AKAP9: variants seen among roughly 807,000 people sequenced by gnomAD.
The protein encoded by AKAP9 is A-kinase anchoring protein 9.
AKAP9 carries 311 observed loss-of-function variants against 488.5 expected under a neutral mutation model. The observed-to-expected ratio is 0.64, with a 90% CI of 0.58 to 0.70. The LOEUF is 0.70. Ranked by LOEUF, AKAP9 falls within the 30% of genes least tolerant of loss-of-function variation. The pLI is 0.00. For synonymous variants in AKAP9, 1,462 were observed against 1,483.5 expected (o/e 0.99, Z 0.33); for missense variants, 4,215 against 4,374.5 (o/e 0.96, Z 1.03).
intron 49 of AKAP9, 148 bp from the exon 50 acceptor site, chr7:92,109,973 GT>G (rs1819101222): frequency 1.5e-6 from 1 of 665,302 alleles, no homozygotes; most frequent in Non-Finnish European, 2.7e-6. Flanking sequence ...GAGAGACTCA[GT>G]TTAAGTATGA....
chr7:92,005,654 G>C, intron 8 of AKAP9, among the ~76,000 whole-genome samples: 1 of 151,920 alleles, frequency 6.6e-6, no homozygotes, highest in East Asian at 1.9e-4. Flanking sequence ...AATTCGAATT[G>C]CTTAACGATT....
chr7:92,096,325 GTTTTTTTTGTTTTTT>G (rs990032017), intron 40 of AKAP9, among the ~76,000 whole-genome samples: 2 of 140,404 alleles, frequency 1.4e-5, no homozygotes, highest in Non-Finnish European at 3.0e-5. Flanking sequence ...TACTTCTGAA[GTTTTTTTTGTTTTTT>G]TTTTTTTTTT....
intron 18 of AKAP9, chr7:92,041,820 A>C (rs1246352562): frequency 9.8e-6 from 4 of 407,050 alleles, no homozygotes; most frequent in African/African-American, 8.0e-5. Context: ...ACAAAAATTA[A>C]TTGAACTGCA....
chr7:92,089,684 T>A, intron 38 of AKAP9, 155 bp downstream of exon 38: 1 of 865,272 alleles, frequency 1.2e-6, no homozygotes, highest in Non-Finnish European at 1.8e-6. Context: ...TTAATTACTC[T>A]AGGGGTTAGA....
At chr7:92,033,442 C>CT (rs35497475) in intron 16 of AKAP9, among the ~76,000 whole-genome samples, 8,172 of 107,300 alleles carry the variant, frequency 0.076, 324 homozygotes, top group Non-Finnish European at 0.096. Flanking sequence ...CTTTTCTTTT[C>CT]TTTTTTTTTT....
intron 14 of AKAP9, among the ~76,000 whole-genome samples, chr7:92,023,916 T>A (rs1351819508): frequency 2.0e-5 from 3 of 152,142 alleles, no homozygotes; most frequent in Non-Finnish European, 4.4e-5. Flanking sequence ...TCCAGATACA[T>A]GCCTGGCCAA....
intron 1 of AKAP9, among the ~76,000 whole-genome samples, chr7:91,956,146 G>T (rs1792961185): frequency 6.6e-6 from 1 of 151,652 alleles, no homozygotes; most frequent in Non-Finnish European, 1.5e-5. Flanking sequence ...CACGTCTGTG[G>T]TCCCGGCACT....
At chr7:91,971,137 T>C (rs1795023308) in intron 1 of AKAP9, among the ~76,000 whole-genome samples, 1 of 152,176 alleles carries the variant, frequency 6.6e-6, no homozygotes. Context: ...TATTTCGAGG[T>C]AATTTTCTGT....
At chr7:91,988,297 CAAAAAAAAAAAAAAA>C (rs5885797) in intron 3 of AKAP9, among the ~76,000 whole-genome samples, 5 of 53,656 alleles carry the variant, frequency 9.3e-5, no homozygotes, top group African/African-American at 3.5e-4. Flanking sequence ...GACCCCCTCT[CAAAAAAAAAAAAAAA>C]AAAAAAAAAA....
At position 92,031,528 on chromosome 7, in the gene AKAP9, G is replaced by A; in HGVS notation, c.4262G>A (p.Gly1421Glu). ...DGTIEFSGEF[G>E]VKEETNIVKL... is the part of the protein sequence containing the mutation. ...TAAATGTAGTTTTCTGGTGAATTTG[G>A]AGTGAAAGAGGAAACAAATATCGTT... Residue 1421 changes from glycine to glutamate, a missense_variant, in exon 16 of 50, where the codon GGA becomes GAA. Around this residue, in one of 5 missense-constraint regions of AKAP9, gnomAD observed 2,361 missense variants for 2,430.0 expected, o/e 0.97. Coordinates refer to ENST00000356239, the MANE Select transcript of AKAP9 (RefSeq NM_005751.5). 2.5e-6 allele frequency: 4 copies of A among 1,611,420 alleles called. No individual in the cohort carries two copies. Among genetic ancestry groups the A allele is most frequent in the Non-Finnish European group, 3.4e-6 (4 of 1,178,050 alleles).
At chr7:91,988,715 GC>G (rs1371334916) in intron 3 of AKAP9, among the ~76,000 whole-genome samples, 3 of 152,116 alleles carry the variant, frequency 2.0e-5, no homozygotes, top group Non-Finnish European at 4.4e-5. Context: ...GGACTTTGGA[GC>G]CAGAAAGTCC....
rs116927496 is a variant in AKAP9 at position 92,090,913 on chromosome 7, C to T, written c.9358+1384C>T. On this transcript the variant is annotated intron_variant, in intron 38 of 49. Transcript: ENST00000356239. ...ACTTAGTAGCAGTATATGAGAGTTA[C>T]GTTGCTTCACATCTTTGCCAACAGT... Among the ~76,000 whole-genome samples, 363 of 152,262 alleles carry T rather than the reference C, an allele frequency of 2.4e-3. 2 individuals carry two copies. The highest frequency in any genetic ancestry group is 4.5e-3 in the Non-Finnish European group (308 of 67,998).
At chr7:91,947,533 G>T (rs1291513990) in intron 1 of AKAP9, among the ~76,000 whole-genome samples, 1 of 152,032 alleles carries the variant, frequency 6.6e-6, no homozygotes, top group African/African-American at 2.4e-5. Context: ...GTAGAGACAG[G>T]GTTTCACCAT....
intron 13 of AKAP9, 107 bp downstream of exon 13, chr7:92,022,459 C>G (rs75375774): frequency 1.3e-6 from 1 of 782,254 alleles, no homozygotes; most frequent in African/African-American, 1.7e-5. Flanking sequence ...TGGCATTTCA[C>G]TGTAGCCTCT....
At position 92,029,949 on chromosome 7, in the gene AKAP9, C is replaced by T; in HGVS notation, c.4203C>T (p.Tyr1401=). ...AATCTGATGCACAGAGAACAATGTA[C>T]CCTGGAAGTTGTGTGAAAAAGAATA... ...ITESDAQRTM[Y]PGSCVKKNID... Residue 1401 remains tyrosine, a synonymous_variant, in exon 15 of 50, where the codon TAC becomes TAT. Coordinates refer to ENST00000356239, the MANE Select transcript of AKAP9 (RefSeq NM_005751.5). 1 of 1,612,922 alleles carries T rather than the reference C, an allele frequency of 6.2e-7. No homozygotes were observed. The highest frequency in any genetic ancestry group is 8.5e-7 in the Non-Finnish European group (1 of 1,179,278).
At chr7:92,067,100 T>C (rs1353931666) in intron 26 of AKAP9, among the ~76,000 whole-genome samples, 1 of 152,234 alleles carries the variant, frequency 6.6e-6, no homozygotes, top group Non-Finnish European at 1.5e-5. Context: ...CTCTCTCCTC[T>C]AGTCTTTGTT....
At chr7:92,034,498 A>ATATT (rs1172887684) in intron 16 of AKAP9, among the ~76,000 whole-genome samples, 17 of 95,458 alleles carry the variant, frequency 1.8e-4, no homozygotes, top group East Asian at 6.3e-4. Flanking sequence ...ATATATATAT[A>ATATT]TTTTTTTTTT....
Position 92,072,898 on chromosome 7 carries a change from A to T in AKAP9, c.6612+1889A>T, listed in dbSNP as rs371981568. Among the ~76,000 whole-genome samples, 7 of 152,282 alleles carry T rather than the reference A, an allele frequency of 4.6e-5. No individual in the cohort carries two copies. In the South Asian group the frequency reaches 1.5e-3, roughly 32 times the overall value. ...AGACTCTGTTATCCCCATTTTACAG[A>T]TGTGTAAACTGAGCCTTAAGGGAAG... is the stretch of plus-strand genomic sequence containing the variant. On this transcript the variant is annotated intron_variant, in intron 28 of 49. Transcript: ENST00000356239.
chr7:92,015,948 GC>G (rs780487529), intron 10 of AKAP9, among the ~76,000 whole-genome samples, 180 bp from the exon 11 acceptor site: 8 of 152,136 alleles, frequency 5.3e-5, no homozygotes, highest in Non-Finnish European at 1.5e-5. Context: ...AAGATTTCAT[GC>G]CAGAGAGATA....
Sources: gnomAD v4.1 joint callset for allele counts (sites outside exome capture counted in the v4.1 genomes callset) on GRCh38, gnomAD v4.1.1 for gene constraint, gnomAD v4.1.1 regional missense constraint, MANE v1.5 for transcripts, NCBI Gene and HGNC (gene_info 2026-07-23, HGNC 2026-07-21) for gene names.